Variants in ZNF804A observed in about 807,000 individuals in gnomAD.
ZNF804A encodes zinc finger protein 804A.
ZNF804A carries 2 observed loss-of-function variants against 16.5 expected under a neutral mutation model. The ratio of observed to expected loss-of-function variants is 0.12; its 90% confidence interval spans 0.05 to 0.38. The LOEUF (loss-of-function observed/expected upper bound fraction) is 0.38. Among genes scored for constraint, ZNF804A ranks in the 10% least tolerant of loss-of-function variants. ZNF804A has a pLI of 0.99. For missense variants in ZNF804A, 1,473 were observed against 1,390.7 expected (o/e 1.06, Z -0.94); for synonymous variants, 534 against 489.6 (o/e 1.09, Z -1.20).
chr2:184,849,941 T>C (rs1226180586), intron 1 of ZNF804A, among the ~76,000 whole-genome samples: 1 of 151,986 alleles, frequency 6.6e-6, no homozygotes, highest in Non-Finnish European at 1.5e-5. Context: ...TGGAGGTCAT[T>C]ATGTTAAGTG....
At chr2:184,608,325 T>C (rs1691183969) in intron 1 of ZNF804A, among the ~76,000 whole-genome samples, 3 of 152,188 alleles carry the variant, frequency 2.0e-5, no homozygotes, top group African/African-American at 7.2e-5. Flanking sequence ...GATAGTTTAC[T>C]AAAACATTGT....
chr2:184,730,678 C>T (rs753205710), intron 1 of ZNF804A, among the ~76,000 whole-genome samples: 6 of 152,174 alleles, frequency 3.9e-5, no homozygotes, highest in Non-Finnish European at 8.8e-5. Flanking sequence ...ATTTATGTTT[C>T]CTCCATATCT....
At chr2:184,890,504 A>G (rs941682670) in intron 2 of ZNF804A, among the ~76,000 whole-genome samples, 3 of 152,122 alleles carry the variant, frequency 2.0e-5, no homozygotes, top group African/African-American at 7.2e-5. Context: ...ACTAAAGAAT[A>G]TATGAGAAGC....
intron 2 of ZNF804A, among the ~76,000 whole-genome samples, chr2:184,921,797 G>A (rs1685533308): frequency 1.3e-5 from 2 of 151,700 alleles, no homozygotes; most frequent in African/African-American, 4.8e-5. Flanking sequence ...CCAGGTTCTG[G>A]TAACCATCCT....
intron 1 of ZNF804A, among the ~76,000 whole-genome samples, chr2:184,709,717 A>G (rs1011005443): frequency 6.6e-6 from 1 of 151,272 alleles, no homozygotes; most frequent in East Asian, 1.9e-4. Context: ...TGATTTTTGC[A>G]TATACTTTTT....
At chr2:184,795,387 C>A (rs1439032348) in intron 1 of ZNF804A, among the ~76,000 whole-genome samples, 1 of 152,062 alleles carries the variant, frequency 6.6e-6, no homozygotes, top group African/African-American at 2.4e-5. Context: ...AATAGTGACA[C>A]AACCTAGCAA....
chr2:184,675,459 G>C (rs1477220322), intron 1 of ZNF804A, among the ~76,000 whole-genome samples: 1 of 151,466 alleles, frequency 6.6e-6, no homozygotes, highest in Non-Finnish European at 1.5e-5. Flanking sequence ...TAATTTTCTT[G>C]CATATGTTTG....
At chr2:184,743,801 A>G (rs913232749) in intron 1 of ZNF804A, among the ~76,000 whole-genome samples, 1 of 151,946 alleles carries the variant, frequency 6.6e-6, no homozygotes, top group African/African-American at 2.4e-5. Context: ...TTAATTTATA[A>G]CAGAATAAAC....
At chr2:184,728,218 T>C (rs1198162715) in intron 1 of ZNF804A, among the ~76,000 whole-genome samples, 1 of 151,764 alleles carries the variant, frequency 6.6e-6, no homozygotes, top group Non-Finnish European at 1.5e-5. Flanking sequence ...TCGAGAAATA[T>C]TTCTGAATTC....
intron 1 of ZNF804A, among the ~76,000 whole-genome samples, chr2:184,837,487 A>G (rs1267075330): frequency 1.3e-5 from 2 of 152,092 alleles, no homozygotes; most frequent in Non-Finnish European, 2.9e-5. Flanking sequence ...TTATTTGTTT[A>G]TAATACCTCG....
At chr2:184,881,646 G>C (rs1684811591) in intron 2 of ZNF804A, among the ~76,000 whole-genome samples, 1 of 151,882 alleles carries the variant, frequency 6.6e-6, no homozygotes, top group African/African-American at 2.4e-5. Flanking sequence ...GAATTACTAA[G>C]AGTTTTTTTT....
At position 184,598,592 on chromosome 2, in the gene ZNF804A, G is replaced by A. The variant is rs1411127943; in HGVS notation, c.-368G>A. On this transcript the variant is annotated 5_prime_UTR_variant, in exon 1 of 4. Transcript: ENST00000302277. ...GCCGCCGCCGCTTCTGCTGCCGCGC[G>A]GGCGGCTCCCGCAGCCCCGCTCCGC... The A allele has an allele frequency of 6.2e-6, 1 of 162,578 alleles. No homozygotes were observed. Among genetic ancestry groups the A allele is most frequent in the Non-Finnish European group, 1.3e-5 (1 of 75,248 alleles). 10.1% of individuals were successfully genotyped at this position (162,578 alleles called of 1,614,324 possible). A position where few individuals can be genotyped will look rare whatever the true frequency, so the allele number is the denominator to read the frequency against.
At chr2:184,642,045 T>C (rs1288452965) in intron 1 of ZNF804A, among the ~76,000 whole-genome samples, 2 of 152,072 alleles carry the variant, frequency 1.3e-5, no homozygotes, top group African/African-American at 4.8e-5. Context: ...CATGCACACA[T>C]TTATGCACGT....
intron 1 of ZNF804A, among the ~76,000 whole-genome samples, chr2:184,859,041 CT>C (rs1158880766): frequency 6.6e-6 from 1 of 152,120 alleles, no homozygotes. Flanking sequence ...ATTGGCCCTC[CT>C]TTATATGTTA....
intron 2 of ZNF804A, among the ~76,000 whole-genome samples, chr2:184,875,544 C>A (rs1244291566): frequency 6.6e-6 from 1 of 152,060 alleles, no homozygotes; most frequent in African/African-American, 2.4e-5. Flanking sequence ...TCTTGTACAG[C>A]CTGCAGAACT....
At chr2:184,625,890 A>G (rs1389548349) in intron 1 of ZNF804A, among the ~76,000 whole-genome samples, 1 of 151,982 alleles carries the variant, frequency 6.6e-6, no homozygotes, top group Admixed American at 6.5e-5. Context: ...TTTTTTTGAG[A>G]CGGAGTCTCG....
At chr2:184,795,134 C>T (rs1694611766) in intron 1 of ZNF804A, among the ~76,000 whole-genome samples, 1 of 152,098 alleles carries the variant, frequency 6.6e-6, no homozygotes, top group South Asian at 2.1e-4. Flanking sequence ...TTCAACAGTG[C>T]ATGGAAGTTT....
chr2:184,659,595 AAAG>A (rs1692135005), intron 1 of ZNF804A, among the ~76,000 whole-genome samples: 1 of 152,100 alleles, frequency 6.6e-6, no homozygotes, highest in African/African-American at 2.4e-5. Flanking sequence ...AAAAACCCAC[AAAG>A]TCTCATATAT....
At chr2:184,806,142 C>G (rs536699216) in intron 1 of ZNF804A, among the ~76,000 whole-genome samples, 1 of 151,892 alleles carries the variant, frequency 6.6e-6, no homozygotes, top group South Asian at 2.1e-4. Flanking sequence ...CTTTAGAAGC[C>G]AATTAATAAA....
Sources: allele counts gnomAD v4.1 joint callset (sites outside exome capture counted in the v4.1 genomes callset), GRCh38; gene constraint gnomAD v4.1.1; transcripts MANE v1.5; gene names NCBI Gene and HGNC (gene_info 2026-07-23, HGNC 2026-07-21).